The following GBE1 variants were observed in gnomAD, a reference collection of about 807,000 sequenced individuals.
The protein encoded by GBE1 is 1,4-alpha-glucan branching enzyme 1, also known as 1,4-alpha-glucan-branching enzyme.
A neutral mutation model predicts 88.8 loss-of-function variants in GBE1; 70 were observed. The ratio of observed to expected loss-of-function variants is 0.79; its 90% CI spans 0.65 to 0.96. The LOEUF (loss-of-function observed/expected upper bound fraction) is 0.96, where lower values mean the gene tolerates loss of function less well. Ranked by LOEUF, GBE1 falls within the 40% of genes least tolerant of loss-of-function variation. The pLI is 0.00. For missense variants in GBE1, 872 were observed against 871.0 expected (o/e 1.00, Z -0.01); for synonymous variants, 284 against 300.1 (o/e 0.95, Z 0.56).
chr3:81,747,734 T>C (rs1041351131), intron 1 of GBE1, among the ~76,000 whole-genome samples: 1 of 152,160 alleles, frequency 6.6e-6, no homozygotes, highest in Non-Finnish European at 1.5e-5. Context: ...GATTAACCCT[T>C]TGAATTTCCT....
At chr3:81,576,806 G>C (rs1039735396) in intron 12 of GBE1, among the ~76,000 whole-genome samples, 2 of 152,020 alleles carry the variant, frequency 1.3e-5, no homozygotes, top group Non-Finnish European at 2.9e-5. Flanking sequence ...CAAAGGTACA[G>C]GTAGTATACG....
chr3:81,750,576 CGTATATATATACGTATATATATATGT>C (rs1559708506), intron 1 of GBE1, among the ~76,000 whole-genome samples: 30 of 46,054 alleles, frequency 6.5e-4, no homozygotes, highest in Middle Eastern at 0.012. Context: ...TATATATATA[CGTATATATATACGTATATATATATGT>C]GTATATATAT....
intron 2 of GBE1, among the ~76,000 whole-genome samples, chr3:81,692,953 G>T (rs932800005): frequency 6.6e-6 from 1 of 151,988 alleles, no homozygotes; most frequent in Non-Finnish European, 1.5e-5. Flanking sequence ...CTCTCTCATG[G>T]GAATGAATGC....
intron 2 of GBE1, among the ~76,000 whole-genome samples, chr3:81,701,951 C>T (rs1045807552): frequency 1.3e-5 from 2 of 148,806 alleles, no homozygotes; most frequent in African/African-American, 5.0e-5. Flanking sequence ...TTCTAAGTAC[C>T]TGTAACTAAA....
intron 2 of GBE1, among the ~76,000 whole-genome samples, chr3:81,693,077 C>A (rs1029443225): frequency 6.6e-6 from 1 of 152,146 alleles, no homozygotes; most frequent in Admixed American, 6.5e-5. Flanking sequence ...TCATTAAACT[C>A]TAAATGCAGC....
chr3:81,693,298 AATT>A (rs1705546908), intron 2 of GBE1, among the ~76,000 whole-genome samples: 1 of 152,200 alleles, frequency 6.6e-6, no homozygotes, highest in African/African-American at 2.4e-5. Context: ...TATTGTTTAT[AATT>A]ATTATTAAAT....
At chr3:81,525,873 T>C (rs1366344474) in intron 14 of GBE1, among the ~76,000 whole-genome samples, 1 of 152,082 alleles carries the variant, frequency 6.6e-6, no homozygotes, top group African/African-American at 2.4e-5. Flanking sequence ...GGGTTGGTGG[T>C]GATATCCCCT....
Position 81,490,423 on chromosome 3 carries a change from A to G in GBE1, c.2093T>C (p.Val698Ala), listed in dbSNP as rs1195429833. The G allele has an allele frequency of 3.1e-6, 5 of 1,613,142 alleles. No homozygotes were observed. The Admixed American group carries it at 5.0e-5, about 16-fold the overall frequency. ...PSRVALILQN[V>A]DLPN ...CAGGCCTCTTCAATTCGGCAGATCC[A>G]CATTCTGAAGGATGAGGGCCACTCT... The change falls in exon 16 of 16, where the codon GTG becomes GCG. Residue 698 changes from valine (V) to alanine (A), a missense_variant. Val to Ala is a moderately conservative substitution (Grantham distance 64). Transcript: ENST00000429644.
intron 12 of GBE1, among the ~76,000 whole-genome samples, chr3:81,563,495 C>T (rs897834002): frequency 4.6e-5 from 7 of 152,046 alleles, no homozygotes; most frequent in African/African-American, 1.7e-4. Context: ...CGAGGGAAGG[C>T]TTAATTGAAG....
chr3:81,638,507 A>G (rs1012336402), intron 7 of GBE1, among the ~76,000 whole-genome samples: 3 of 152,174 alleles, frequency 2.0e-5, no homozygotes, highest in Non-Finnish European at 4.4e-5. Context: ...AACAGAATTT[A>G]AAACTGGGAC....
chr3:81,677,684 T>A (rs1400194086), intron 2 of GBE1, among the ~76,000 whole-genome samples: 1 of 152,142 alleles, frequency 6.6e-6, no homozygotes, highest in Non-Finnish European at 1.5e-5. Flanking sequence ...TGCCCTGTGC[T>A]GTTTGATTTT....
chr3:81,514,978 T>C (rs1252149548), intron 14 of GBE1, among the ~76,000 whole-genome samples: 16 of 151,692 alleles, frequency 1.1e-4, no homozygotes, highest in Middle Eastern at 3.4e-3. Context: ...GGTATAAAGA[T>C]GACTAATACA....
intron 2 of GBE1, among the ~76,000 whole-genome samples, chr3:81,691,893 C>T (rs144059719): frequency 9.9e-4 from 151 of 152,018 alleles, no homozygotes; most frequent in African/African-American, 3.1e-3. Flanking sequence ...AAGAGAAAAC[C>T]CCACTTCTGA....
At chr3:81,552,272 C>T (rs1703281291) in intron 12 of GBE1, among the ~76,000 whole-genome samples, 1 of 152,158 alleles carries the variant, frequency 6.6e-6, no homozygotes, top group South Asian at 2.1e-4. Flanking sequence ...AATCCCTGCA[C>T]TTTGGGAGGC....
chr3:81,758,103 G>T (rs951082797), intron 1 of GBE1, among the ~76,000 whole-genome samples: 1 of 152,162 alleles, frequency 6.6e-6, no homozygotes, highest in Non-Finnish European at 1.5e-5. Context: ...AACAGTTTCA[G>T]TAAAGAAAGA....
intron 1 of GBE1, among the ~76,000 whole-genome samples, chr3:81,707,854 G>T (rs984805303): frequency 6.6e-5 from 10 of 151,800 alleles, no homozygotes; most frequent in Admixed American, 5.3e-4. Flanking sequence ...TCTCATTATA[G>T]TATTTCTATC....
chr3:81,549,415 C>CTAA (rs1703246310), intron 12 of GBE1, among the ~76,000 whole-genome samples: 1 of 151,516 alleles, frequency 6.6e-6, no homozygotes, highest in Admixed American at 6.6e-5. Context: ...ATTGGTGAAA[C>CTAA]TGGTTATCAA....
intron 14 of GBE1, among the ~76,000 whole-genome samples, chr3:81,507,327 G>A (rs932817162): frequency 1.3e-5 from 2 of 152,104 alleles, no homozygotes; most frequent in Non-Finnish European, 2.9e-5. Flanking sequence ...CACTTTGGGA[G>A]GCCGAGGCGG....
intron 7 of GBE1, among the ~76,000 whole-genome samples, chr3:81,601,751 A>G (rs1343669204): frequency 6.6e-6 from 1 of 152,254 alleles, no homozygotes; most frequent in Non-Finnish European, 1.5e-5. Context: ...ACTGAAATAA[A>G]TCATAAAGAT....
Sources: allele counts gnomAD v4.1 joint callset (sites outside exome capture counted in the v4.1 genomes callset), GRCh38; gene constraint gnomAD v4.1.1; transcripts MANE v1.5; gene names NCBI Gene and HGNC (gene_info 2026-07-23, HGNC 2026-07-21).